Variants in ANGEL1 observed in about 807,000 individuals in gnomAD.
ANGEL1 encodes RNA 2',3'-cyclic phosphatase ANGEL1.
A neutral mutation model predicts 76.4 loss-of-function variants in ANGEL1; 62 were observed. The ratio of observed to expected loss-of-function variants is 0.81; its 90% CI spans 0.66 to 1.00. The LOEUF (loss-of-function observed/expected upper bound fraction) is 1.00, where lower values mean the gene tolerates loss of function less well. Among genes scored for constraint, ANGEL1 ranks in the 50% least tolerant of loss-of-function variants. The pLI is 0.00. For missense variants in ANGEL1, 737 were observed against 836.7 expected (o/e 0.88, Z 1.47); for synonymous variants, 340 against 331.7 (o/e 1.03, Z -0.27).
rs1392507301 is a variant in ANGEL1, at chr14:76,808,056, TCA to T, written c.740_741del (p.Leu247HisfsTer4). The T allele has an allele frequency of 6.2e-7, 1 of 1,614,116 alleles. No individual in the cohort carries two copies. The highest frequency in any genetic ancestry group is 8.5e-7 in the Non-Finnish European group (1 of 1,180,028). ...AGDGPQFQFTLMSYNILAQDL... is the reference protein window; with the variant it reads ...AGDGPQFQFTXMSYNILAQDL... ...TCCTGAGCCAGGATGTTATAAGACA[TCA>T]GAGTGAACTGGAACTGAGGGCCATC... On this transcript the variant is annotated frameshift_variant, in exon 3 of 10. Coordinates refer to ENST00000251089, the MANE Select transcript of ANGEL1 (RefSeq NM_015305.4). LOFTEE classifies it high-confidence loss of function.
intron 2 of ANGEL1, 48 bp downstream of exon 2, chr14:76,809,011 C>T (rs1483956717): frequency 2.6e-6 from 4 of 1,543,420 alleles, no homozygotes; most frequent in South Asian, 1.2e-5. Flanking sequence ...CTGCCCACAC[C>T]TGAGACACCC....
rs1174121701 is a variant in ANGEL1 at position 76,809,351 on chromosome 14, A to G, written c.357T>C (p.Ala119=). 4 of 1,614,122 alleles carry G rather than the reference A, an allele frequency of 2.5e-6. No individual in the cohort carries two copies. In the African/African-American group the frequency reaches 4.0e-5, roughly 16 times the overall value. Residue 119 remains alanine (A), a synonymous_variant, in exon 2 of 10, where the codon GCT becomes GCC. Coordinates refer to ENST00000251089, the MANE Select transcript of ANGEL1 (RefSeq NM_015305.4). ...GGAAAGGCTCATCCAGGTTCTCTGC[A>G]GCCCGAAGGTCACTCAGCTGCCTGC... ...WSSRQLSDLR[A]AENLDEPFPE...
rs761107490 is a variant in ANGEL1 at position 76,803,518 on chromosome 14, C to T, written c.1508-37G>A. ...GAAAAGACATATAGTGAAAGAAAGA[C>T]GATGAAGCCACATGCTGAGACCTCC... On this transcript the variant is annotated intron_variant, in intron 6 of 9. Transcript: ENST00000251089. The T allele has an allele frequency of 1.3e-5, 21 of 1,603,026 alleles. No homozygotes were observed. In the East Asian group the frequency reaches 1.3e-4, roughly 10 times the overall value.
chr14:76,810,300 G>C lies in ANGEL1; in HGVS notation c.65-657C>G, dbSNP rs1233303048. The C allele has an allele frequency of 6.8e-6, 3 of 439,320 alleles. No homozygotes were observed. The Admixed American group carries it at 7.2e-5, about 11-fold the overall frequency. 27.2% of individuals were successfully genotyped at this position (439,320 alleles called of 1,614,324 possible). On this transcript the variant is annotated intron_variant, in intron 1 of 9. Transcript: ENST00000251089. ...GCCAAGTACGGTGGCACATGCCCAT[G>C]GTCCTAGCTACTTGGGAGGCTGAAA...
chr14:76,809,752 A>T, intron 1 of ANGEL1, 109 bp from the exon 2 acceptor site: 1 of 893,954 alleles, frequency 1.1e-6, no homozygotes, highest in Non-Finnish European at 1.7e-6. Context: ...CACCTTGCTC[A>T]TCATTGTACC....
intron 1 of ANGEL1, 93 bp downstream of exon 1, chr14:76,812,671 G>A: frequency 7.1e-7 from 1 of 1,399,596 alleles, no homozygotes; most frequent in South Asian, 1.5e-5. Flanking sequence ...GTAGTCGTGA[G>A]GCCCGGCCAA....
At chr14:76,791,810 G>C (rs546544194) in intron 7 of ANGEL1, among the ~76,000 whole-genome samples, 1 of 152,058 alleles carries the variant, frequency 6.6e-6, no homozygotes, top group South Asian at 2.1e-4. Context: ...GTGTGTCTAT[G>C]CATGTATGCA....
In ANGEL1 at chr14:76,787,171, T is replaced by A. The variant is rs2140203044; in HGVS notation, c.*2057A>T. On this transcript the variant is annotated 3_prime_UTR_variant, in exon 10 of 10. Coordinates refer to ENST00000251089, the MANE Select transcript of ANGEL1 (RefSeq NM_015305.4). ...GATCAAAAGCTCCTTAGTCTCTTCC[T>A]CTGCCCACCTCATTCTTCAGGCCCT... 1 of 152,352 alleles carries A rather than the reference T, an allele frequency of 6.6e-6. No homozygotes were observed. Among genetic ancestry groups the A allele is most frequent in the African/African-American group, 2.4e-5 (1 of 41,582 alleles). The allele number at this position is 152,352 out of a possible 1,614,324, so 9.4% of individuals were successfully genotyped here. A position where few individuals can be genotyped will look rare whatever the true frequency, so the allele number is the denominator to read the frequency against.
chr14:76,806,836 G>C lies in ANGEL1; in HGVS notation c.960C>G (p.Phe320Leu). ...TTTTACACCCAGTCCTCCTCTTGTA[G>C]AAACAGGTAAAGCCTGCAAGGAAAA... ...PSLRMMGFTCFYKRRTGCKTD... is the reference protein window; with the variant it reads ...PSLRMMGFTCLYKRRTGCKTD... Residue 320 changes from phenylalanine (F) to leucine (L), a missense_variant, in exon 5 of 10, where the codon TTC becomes TTG. Physicochemically the swap from Phe to Leu is conservative, Grantham distance 22. This residue lies in a region of ANGEL1 where 441 missense variants were observed against 449.5 expected (regional missense o/e 0.98). Transcript: ENST00000251089. 6.2e-7 allele frequency: 1 copy of C among 1,613,280 alleles called. No homozygotes were observed. The highest frequency in any genetic ancestry group is 8.5e-7 in the Non-Finnish European group (1 of 1,179,638).
In ANGEL1 at chr14:76,806,716, A is replaced by G; in HGVS notation, c.1080T>C (p.Asn360=). 1.2e-6 allele frequency: 2 copies of G among 1,613,832 alleles called. No homozygotes were observed. Among genetic ancestry groups the G allele is most frequent in the Non-Finnish European group, 1.7e-6 (2 of 1,180,002 alleles). The stretch of plus-strand genomic sequence containing the variant: ...GCAACACTAAGCCCACATTATCCCG[A>G]TTAAGTAGCTCCAAGCCAGGCCGGA... ...EYFRPGLELL[N]RDNVGLVLLL... Residue 360 remains asparagine, a synonymous_variant, in exon 5 of 10, where the codon AAT becomes AAC. Coordinates refer to ENST00000251089, the MANE Select transcript of ANGEL1 (RefSeq NM_015305.4).
rs931905118 is a variant in ANGEL1, at chr14:76,789,114, A to G, written c.*114T>C. 3.8e-6 allele frequency: 5 copies of G among 1,326,518 alleles called. No homozygotes were observed. Among genetic ancestry groups the G allele is most frequent in the Non-Finnish European group, 3.1e-6 (3 of 961,498 alleles). The allele number at this position is 1,326,518 out of a possible 1,614,324, so 82.2% of individuals were successfully genotyped here. ...GGGAAAAAGGGAACGAGGAGGGGGAAGGGAGGGGATGTAAGTTTCTTGGAT... is the reference window on the plus strand; with the variant it reads ...GGGAAAAAGGGAACGAGGAGGGGGAGGGGAGGGGATGTAAGTTTCTTGGAT... On this transcript the variant is annotated 3_prime_UTR_variant, in exon 10 of 10. Transcript: ENST00000251089.
chr14:76,793,434 AG>A (rs1158291320), intron 7 of ANGEL1, among the ~76,000 whole-genome samples: 2 of 21,120 alleles, frequency 9.5e-5, no homozygotes, highest in Non-Finnish European at 1.8e-4. Flanking sequence ...GGGGAGGAGG[AG>A]GAGGAGGGGA....
chr14:76,790,075 G>A (rs2140206133), intron 9 of ANGEL1, among the ~76,000 whole-genome samples: 1 of 152,056 alleles, frequency 6.6e-6, no homozygotes, highest in East Asian at 1.9e-4. Context: ...ATGTGGCCAG[G>A]CTGGTCTCAC....
chr14:76,810,545 A>C (rs373203967), intron 1 of ANGEL1, among the ~76,000 whole-genome samples: 3 of 152,344 alleles, frequency 2.0e-5, no homozygotes, highest in Admixed American at 6.5e-5. Context: ...GTATTCCAAA[A>C]GAAAAAGTCC....
At position 76,803,471 on chromosome 14, in the gene ANGEL1, C is replaced by T. The variant is rs745804943; in HGVS notation, c.1518G>A (p.Lys506=). The T allele has an allele frequency of 1.2e-6, 2 of 1,614,176 alleles. No homozygotes were observed. The highest frequency in any genetic ancestry group is 1.7e-6 in the Non-Finnish European group (2 of 1,180,022). Residue 506 remains lysine, a synonymous_variant, in exon 7 of 10, where the codon AAG becomes AAA. Coordinates refer to ENST00000251089, the MANE Select transcript of ANGEL1 (RefSeq NM_015305.4). ...SCHPKRSERR[K]YGRDFLLRFR... ...AACGTAGCAGGAAGTCTCGGCCATACTTGCGTCTCTCTGTAAACCAGGAAA... is the reference window on the plus strand; with the variant it reads ...AACGTAGCAGGAAGTCTCGGCCATATTTGCGTCTCTCTGTAAACCAGGAAA...
intron 7 of ANGEL1, among the ~76,000 whole-genome samples, chr14:76,797,889 T>C (rs764467021): frequency 3.9e-5 from 6 of 152,246 alleles, no homozygotes; most frequent in Non-Finnish European, 8.8e-5. Context: ...ATGTCTGCTA[T>C]GGTCTAAATG....
chr14:76,795,567 A>C (rs1008734298), intron 7 of ANGEL1, among the ~76,000 whole-genome samples: 2 of 152,210 alleles, frequency 1.3e-5, no homozygotes, highest in Admixed American at 1.3e-4. Flanking sequence ...CAATTTAAAC[A>C]ATAATGGAAA....
rs1206709540 is a variant in ANGEL1, at chr14:76,806,856, G to A, written c.947-7C>T. ...TTGTAGAAACAGGTAAAGCCTGCAA[G>A]GAAAATCCCACCAAAGAGATGGGTC... On this transcript the variant is annotated splice_region_variant and splice_polypyrimidine_tract_variant and intron_variant, in intron 4 of 9. Transcript: ENST00000251089. The A allele has an allele frequency of 6.8e-6, 11 of 1,608,720 alleles. No individual in the cohort carries two copies. Among genetic ancestry groups the A allele is most frequent in the Non-Finnish European group, 9.3e-6 (11 of 1,176,818 alleles).
Position 76,808,063 on chromosome 14 carries a change from G to A in ANGEL1, c.735C>T (p.Phe245=), listed in dbSNP as rs138394702. 6.1e-5 allele frequency: 98 copies of A among 1,614,098 alleles called. No homozygotes were observed. The African/African-American group carries it at 1.2e-3, about 20-fold the overall frequency. Residue 245 remains phenylalanine (F), a synonymous_variant, in exon 3 of 10, where the codon TTC becomes TTT. Transcript: ENST00000251089. The part of the protein sequence containing the change: ...LKAGDGPQFQ[F]TLMSYNILAQ... ...CCAGGATGTTATAAGACATCAGAGT[G>A]AACTGGAACTGAGGGCCATCTCCTG...
Sources: allele counts gnomAD v4.1 joint callset (sites outside exome capture counted in the v4.1 genomes callset), GRCh38; gene constraint gnomAD v4.1.1; regional missense constraint gnomAD v4.1.1; transcripts MANE v1.5; gene names NCBI Gene and HGNC (gene_info 2026-07-23, HGNC 2026-07-21).